EXOC2: variants seen among roughly 807,000 people sequenced by gnomAD.
EXOC2 encodes SEC5-like 1.
Under a neutral mutation model 131.8 loss-of-function variants are expected in EXOC2, and 70 were observed. The observed-to-expected ratio is 0.53, with a 90% CI of 0.44 to 0.65. The LOEUF (loss-of-function observed/expected upper bound fraction) is 0.65. Among genes scored for constraint, EXOC2 ranks in the 30% least tolerant of loss-of-function variants. The probability of loss-of-function intolerance (pLI) is 0.00; values close to 1 mark genes in which losing one functional copy is unlikely to be tolerated. For synonymous variants in EXOC2, 411 were observed against 398.4 expected (o/e 1.03, Z -0.38); for missense variants, 923 against 1,108.6 (o/e 0.83, Z 2.38).
chr6:681,881 C>T (rs879686229), intron 1 of EXOC2, among the ~76,000 whole-genome samples: 2 of 152,228 alleles, frequency 1.3e-5, no homozygotes, highest in African/African-American at 2.4e-5. Flanking sequence ...ATAATTCCCC[C>T]TTTAGTTACC....
chr6:627,243 C>CAA (rs144043704), intron 4 of EXOC2, among the ~76,000 whole-genome samples: 3 of 118,964 alleles, frequency 2.5e-5, no homozygotes, highest in African/African-American at 9.7e-5. Context: ...TGACAGTATC[C>CAA]AAAAAAAAAA....
chr6:579,796 C>T (rs191797023), intron 11 of EXOC2, among the ~76,000 whole-genome samples: 24 of 151,804 alleles, frequency 1.6e-4, no homozygotes, highest in African/African-American at 5.6e-4. Flanking sequence ...ATAATTCTGA[C>T]ACTCCTTTTA....
chr6:552,633 A>C (rs1216413014), intron 21 of EXOC2, among the ~76,000 whole-genome samples: 2 of 152,024 alleles, frequency 1.3e-5, no homozygotes, highest in East Asian at 3.8e-4. Flanking sequence ...CAACAACAAA[A>C]AAAAACCCAG....
At chr6:574,350 A>T (rs796909717) in intron 12 of EXOC2, among the ~76,000 whole-genome samples, 87 of 152,376 alleles carry the variant, frequency 5.7e-4, no homozygotes, top group African/African-American at 2.0e-3. Flanking sequence ...TGACACGTGC[A>T]AGTAGTGGCC....
At chr6:553,696 T>C (rs754134058) in intron 21 of EXOC2, among the ~76,000 whole-genome samples, 158 bp downstream of exon 21, 1 of 152,210 alleles carries the variant, frequency 6.6e-6, no homozygotes, top group Non-Finnish European at 1.5e-5. Context: ...ATATAAATTA[T>C]ACTTTCCTGA....
At chr6:681,305 C>T (rs1341756754) in intron 1 of EXOC2, among the ~76,000 whole-genome samples, 2 of 152,178 alleles carry the variant, frequency 1.3e-5, no homozygotes, top group Non-Finnish European at 2.9e-5. Context: ...CTATCGGTCA[C>T]CTCTGGGTGA....
At chr6:503,174 T>C (rs1488280310) in intron 23 of EXOC2, among the ~76,000 whole-genome samples, 1 of 152,216 alleles carries the variant, frequency 6.6e-6, no homozygotes, top group Non-Finnish European at 1.5e-5. Context: ...ACTTTTTTTT[T>C]TTTTTATTAC....
intron 4 of EXOC2, among the ~76,000 whole-genome samples, chr6:620,457 C>T (rs752320078): frequency 1.1e-4 from 16 of 152,166 alleles, no homozygotes; most frequent in Non-Finnish European, 2.1e-4. Flanking sequence ...GTCTGATTTG[C>T]CGCCCCCTCT....
rs70985804 is a variant in EXOC2, at chr6:526,432, ATTTTTTTTT to A, written c.2380+6028_2380+6036del. Among the ~76,000 whole-genome samples, 353 of 76,036 alleles carry A rather than the reference ATTTTTTTTT, an allele frequency of 4.6e-3. 3 individuals carry two copies. Among genetic ancestry groups the A allele is most frequent in the African/African-American group, 0.017 (332 of 19,314 alleles). The allele number at this position is 76,036 out of a possible 152,430, so 49.9% of individuals were successfully genotyped here. ...AGCACATCTGCCTTTTTCTTTGTGG[ATTTTTTTTT>A]TTTTTTTTTTTTTTTTGAGACAGAG... is the stretch of plus-strand genomic sequence containing the variant. On this transcript the variant is annotated intron_variant, in intron 23 of 27. Coordinates refer to ENST00000230449, the MANE Select transcript of EXOC2 (RefSeq NM_018303.6).
chr6:678,698 G>A (rs941692725), intron 1 of EXOC2, among the ~76,000 whole-genome samples: 5 of 152,182 alleles, frequency 3.3e-5, no homozygotes, highest in African/African-American at 1.2e-4. Context: ...AGGGCATGGG[G>A]CTCCAGGGCA....
chr6:679,023 C>G (rs1193203307), intron 1 of EXOC2: 1 of 151,642 alleles, frequency 6.6e-6, no homozygotes, highest in Non-Finnish European at 1.5e-5. Flanking sequence ...ATTAAAAAAA[C>G]TAGAAGAACA....
chr6:564,099 T>C lies in EXOC2; in HGVS notation c.1723A>G (p.Ile575Val), dbSNP rs766654746. Residue 575 changes from isoleucine to valine, a missense_variant, in exon 16 of 28, where the codon ATC becomes GTC. Ile to Val is a conservative substitution (Grantham distance 29). Coordinates refer to ENST00000230449, the MANE Select transcript of EXOC2 (RefSeq NM_018303.6). ...LEIPNDLLQT[I>V]QDLILDLRVR... is the part of the protein sequence containing the mutation. ...CGGAGATCCAAGATGAGATCCTGGA[T>C]AGTCTGTAACAGGTCATTAGGAATT... 6.2e-7 allele frequency: 1 copy of C among 1,614,152 alleles called. No individual in the cohort carries two copies. The highest frequency in any genetic ancestry group is 8.5e-7 in the Non-Finnish European group (1 of 1,180,028).
rs559234938 is a variant in EXOC2 at position 535,374 on chromosome 6, T to G, written c.2239-2764A>C. Among the ~76,000 whole-genome samples the G allele has an allele frequency of 3.9e-5, 6 of 152,040 alleles. No individual in the cohort carries two copies. In the South Asian group the frequency reaches 1.2e-3, roughly 32 times the overall value. Reference sequence around the variant, plus strand: ...AGCAAGACCCTGTCTCTTAAAAAATTTGAAATTTTTTAAAAATTAAAAAGG... The same window carrying G: ...AGCAAGACCCTGTCTCTTAAAAAATGTGAAATTTTTTAAAAATTAAAAAGG... On this transcript the variant is annotated intron_variant, in intron 22 of 27. Coordinates refer to ENST00000230449, the MANE Select transcript of EXOC2 (RefSeq NM_018303.6).
At chr6:508,009 T>C (rs1182268015) in intron 23 of EXOC2, among the ~76,000 whole-genome samples, 1 of 152,224 alleles carries the variant, frequency 6.6e-6, no homozygotes, top group African/African-American at 2.4e-5. Context: ...TATTGACAGG[T>C]TAGTGTATGT....
At chr6:581,091 CGA>C (rs1758867565) in intron 11 of EXOC2, among the ~76,000 whole-genome samples, 1 of 151,602 alleles carries the variant, frequency 6.6e-6, no homozygotes, top group African/African-American at 2.4e-5. Flanking sequence ...GTCAGGAGTT[CGA>C]GACCGGCCTG....
At chr6:534,545 A>G (rs1262474719) in intron 22 of EXOC2, among the ~76,000 whole-genome samples, 1 of 152,256 alleles carries the variant, frequency 6.6e-6, no homozygotes, top group Non-Finnish European at 1.5e-5. Flanking sequence ...GATTTCTCAC[A>G]TGCAGTACTG....
chr6:487,701 G>A (rs891485354), intron 27 of EXOC2, among the ~76,000 whole-genome samples: 6 of 152,228 alleles, frequency 3.9e-5, no homozygotes, highest in Admixed American at 2.0e-4. Context: ...CACTGCGCCC[G>A]GCCCAAGTCA....
intron 1 of EXOC2, among the ~76,000 whole-genome samples, chr6:684,546 T>C (rs979350937): frequency 4.6e-5 from 7 of 152,226 alleles, no homozygotes; most frequent in Admixed American, 2.0e-4. Context: ...AGATATACTA[T>C]ATTAATTTTA....
intron 4 of EXOC2, among the ~76,000 whole-genome samples, chr6:628,755 T>A (rs1761704163): frequency 6.6e-6 from 1 of 152,196 alleles, no homozygotes; most frequent in Non-Finnish European, 1.5e-5. Context: ...TACTATCAAC[T>A]GCAAGTCTAT....
Sources: allele counts gnomAD v4.1 joint callset (sites outside exome capture counted in the v4.1 genomes callset), GRCh38; gene constraint gnomAD v4.1.1; transcripts MANE v1.5; gene names NCBI Gene and HGNC (gene_info 2026-07-23, HGNC 2026-07-21).